FAM13A: variants seen among roughly 807,000 people sequenced by gnomAD.
The protein encoded by FAM13A is protein FAM13A.
FAM13A carries 76 observed loss-of-function variants against 129.6 expected under a neutral mutation model. The ratio of observed to expected loss-of-function variants is 0.59; its 90% CI spans 0.49 to 0.71. FAM13A has a LOEUF of 0.71. Ranked by LOEUF, FAM13A falls within the 30% of genes least tolerant of loss-of-function variation. The pLI, the probability that FAM13A is intolerant of heterozygous loss-of-function variation, is 0.00. For synonymous variants in FAM13A, 443 were observed against 449.9 expected, an observed-to-expected ratio of 0.98 and a Z score of 0.20; for missense variants, 1,108 against 1,249.3, an observed-to-expected ratio of 0.89 and a Z score of 1.70.
chr4:88,751,300 A>T (rs184180005), intron 14 of FAM13A, among the ~76,000 whole-genome samples: 264 of 152,274 alleles, frequency 1.7e-3, no homozygotes, highest in Middle Eastern at 6.8e-3. Context: ...GGTGGGGGAG[A>T]TATTTGGTAT....
chr4:88,843,634 ATGT>A (rs1173945497), intron 7 of FAM13A, among the ~76,000 whole-genome samples: 2 of 152,250 alleles, frequency 1.3e-5, no homozygotes, highest in East Asian at 1.9e-4. Flanking sequence ...GTTACAGTTA[ATGT>A]TGTTGAACAC....
chr4:88,805,517 C>T (rs556589291), intron 7 of FAM13A, among the ~76,000 whole-genome samples: 6 of 152,300 alleles, frequency 3.9e-5, no homozygotes, highest in Middle Eastern at 3.4e-3. Flanking sequence ...CATCAGTAAA[C>T]AGCACCATAC....
chr4:88,843,073 G>A (rs774576960), intron 7 of FAM13A, among the ~76,000 whole-genome samples: 4 of 152,116 alleles, frequency 2.6e-5, no homozygotes, highest in Non-Finnish European at 2.9e-5. Context: ...AGCTAGTGGC[G>A]GTCAAGAATA....
chr4:88,862,843 C>T (rs72872191), intron 6 of FAM13A, among the ~76,000 whole-genome samples: 11,454 of 151,658 alleles, frequency 0.076, 639 homozygotes, highest in African/African-American at 0.16. Flanking sequence ...CCATGAGTTG[C>T]TAGGCTAGTT....
chr4:88,965,899 T>C (rs1330493509), intron 4 of FAM13A, among the ~76,000 whole-genome samples: 2 of 151,468 alleles, frequency 1.3e-5, no homozygotes, highest in Non-Finnish European at 3.0e-5. Flanking sequence ...GATTTCCTTT[T>C]TGAGGCTGAA....
chr4:88,968,289 C>G (rs1408385166), intron 4 of FAM13A, among the ~76,000 whole-genome samples: 1 of 152,172 alleles, frequency 6.6e-6, no homozygotes, highest in Non-Finnish European at 1.5e-5. Context: ...CCTGTTTGCT[C>G]AGAACACACC....
intron 2 of FAM13A, among the ~76,000 whole-genome samples, chr4:89,027,357 A>G (rs1055780183): frequency 3.3e-5 from 5 of 152,132 alleles, no homozygotes; most frequent in African/African-American, 7.2e-5. Flanking sequence ...AATTTTTTTT[A>G]ATTAGCAGGT....
At chr4:88,837,503 GTTGGGAGT>G (rs946718468) in intron 7 of FAM13A, among the ~76,000 whole-genome samples, 1 of 150,946 alleles carries the variant, frequency 6.6e-6, no homozygotes, top group African/African-American at 2.4e-5. Flanking sequence ...ATCACCTGAG[GTTGGGAGT>G]TTGAGACCAG....
chr4:88,894,211 T>G (rs145556603), intron 6 of FAM13A, among the ~76,000 whole-genome samples: 18 of 152,346 alleles, frequency 1.2e-4, no homozygotes, highest in African/African-American at 4.1e-4. Context: ...AATATTTCCA[T>G]GTGCATAGAA....
chr4:88,887,534 CTT>C (rs1242606768), intron 6 of FAM13A, among the ~76,000 whole-genome samples: 22 of 117,728 alleles, frequency 1.9e-4, no homozygotes, highest in Admixed American at 4.3e-4. Context: ...TTCTTTCTTT[CTT>C]TTTTTTTTTT....
At chr4:89,003,050 T>C (rs552173072) in intron 3 of FAM13A, among the ~76,000 whole-genome samples, 34 of 152,182 alleles carry the variant, frequency 2.2e-4, no homozygotes, top group African/African-American at 7.5e-4. Context: ...AAGAAAATAC[T>C]TTCCAATCTG....
chr4:88,744,812 G>A (rs1438690980), intron 19 of FAM13A, among the ~76,000 whole-genome samples: 1 of 152,086 alleles, frequency 6.6e-6, no homozygotes, highest in Non-Finnish European at 1.5e-5. Flanking sequence ...GTTCCAAATA[G>A]AGAGAGGCAG....
chr4:88,996,770 A>T (rs1432267256), intron 3 of FAM13A, among the ~76,000 whole-genome samples: 1 of 152,108 alleles, frequency 6.6e-6, no homozygotes, highest in East Asian at 1.9e-4. Context: ...AAAAATCTAT[A>T]AACTGGCAAA....
rs1354132566 is a variant in FAM13A at position 88,725,999 on chromosome 4, C to CTT, written c.*2532_*2533dup. The CTT allele has an allele frequency of 3.3e-5, 5 of 152,214 alleles. No homozygotes were observed. The highest frequency in any genetic ancestry group is 7.3e-5 in the Non-Finnish European group (5 of 68,042). 9.4% of individuals were successfully genotyped at this position (152,214 alleles called of 1,614,324 possible). ...TCTTTAATTCTTAAGTTTACTTACACTTATGAAATAACTCTTGACATTTAT... is the reference window on the plus strand; with the variant it reads ...TCTTTAATTCTTAAGTTTACTTACACTTTTATGAAATAACTCTTGACATTTAT... On this transcript the variant is annotated 3_prime_UTR_variant, in exon 24 of 24. Coordinates refer to ENST00000264344, the MANE Select transcript of FAM13A (RefSeq NM_014883.4).
rs755530388 is a variant in FAM13A at position 88,749,904 on chromosome 4, C to T, written c.1946G>A (p.Arg649Gln). 1.5e-5 allele frequency: 25 copies of T among 1,613,528 alleles called. No individual in the cohort carries two copies. Among genetic ancestry groups the T allele is most frequent in the East Asian group, 4.5e-5 (2 of 44,882 alleles). Residue 649 changes from arginine to glutamine, a missense_variant, in exon 16 of 24, where the codon CGA becomes CAA. Arg to Gln is a conservative substitution (Grantham distance 43). Transcript: ENST00000264344. ...ATCATAGGACCCCAGAGAGGAGCTTCGCCGCCTGTGAAGAGTACGACTTGG... is the reference window on the plus strand; with the variant it reads ...ATCATAGGACCCCAGAGAGGAGCTTTGCCGCCTGTGAAGAGTACGACTTGG... Reference protein sequence around the residue: ...PPNSHSFMRRRSSSLGSYDDE... With the variant: ...PPNSHSFMRRQSSSLGSYDDE...
chr4:89,045,367 A>G (rs540052342), intron 1 of FAM13A, among the ~76,000 whole-genome samples: 9 of 152,206 alleles, frequency 5.9e-5, no homozygotes, highest in Non-Finnish European at 1.2e-4. Context: ...AATCACAATG[A>G]TTTCAGAGCT....
At chr4:88,983,441 G>A (rs1360132595) in intron 4 of FAM13A, among the ~76,000 whole-genome samples, 1 of 151,998 alleles carries the variant, frequency 6.6e-6, no homozygotes, top group Non-Finnish European at 1.5e-5. Flanking sequence ...TTAAACACAA[G>A]TAAAAATGTT....
intron 6 of FAM13A, among the ~76,000 whole-genome samples, chr4:88,899,166 TA>T (rs1335408394): frequency 1.2e-4 from 18 of 151,964 alleles, no homozygotes; most frequent in African/African-American, 4.1e-4. Flanking sequence ...TATTCAGCCA[TA>T]AAAAAGAATG....
At chr4:89,031,251 C>T (rs1212306248) in intron 1 of FAM13A, among the ~76,000 whole-genome samples, 1 of 151,884 alleles carries the variant, frequency 6.6e-6, no homozygotes, top group African/African-American at 2.4e-5. Flanking sequence ...TAAAAAATAA[C>T]CAGTAATAAC....
Sources: gnomAD v4.1 joint callset for allele counts (sites outside exome capture counted in the v4.1 genomes callset) on GRCh38, gnomAD v4.1.1 for gene constraint, MANE v1.5 for transcripts, NCBI Gene and HGNC (gene_info 2026-07-23, HGNC 2026-07-21) for gene names.